MYO3B: variants seen among roughly 807,000 people sequenced by gnomAD.
MYO3B encodes the protein myosin IIIB, also known as myosin-IIIb.
In MYO3B, 156 loss-of-function variants were observed where a neutral mutation model predicts 174.6. That is an observed-to-expected ratio of 0.89 (90% CI 0.78 to 1.02). MYO3B has a LOEUF of 1.02. MYO3B is among the 50% of genes least tolerant of loss of function. MYO3B has a pLI of 0.00. For synonymous variants in MYO3B, 563 were observed against 569.1 expected, an observed-to-expected ratio of 0.99 and a Z score of 0.15; for missense variants, 1,632 against 1,639.4, an observed-to-expected ratio of 1.00 and a Z score of 0.08.
intron 7 of MYO3B, among the ~76,000 whole-genome samples, chr2:170,331,297 G>C (rs983145403): frequency 6.6e-6 from 1 of 152,122 alleles, no homozygotes; most frequent in African/African-American, 2.4e-5. Context: ...GAATTTTGAG[G>C]AAGAAAACCA....
At chr2:170,334,702 C>A in intron 7 of MYO3B, 1 of 152,172 alleles carries the variant, frequency 6.6e-6, no homozygotes. Context: ...CCCATCCCCA[C>A]CCCTCTTTTT....
At chr2:170,303,815 A>G (rs1035280553) in intron 7 of MYO3B, among the ~76,000 whole-genome samples, 1 of 152,082 alleles carries the variant, frequency 6.6e-6, no homozygotes, top group Non-Finnish European at 1.5e-5. Context: ...ACATGTACTA[A>G]TATATATTAA....
At chr2:170,476,251 A>T (rs993479682) in intron 25 of MYO3B, among the ~76,000 whole-genome samples, 1 of 152,212 alleles carries the variant, frequency 6.6e-6, no homozygotes, top group Non-Finnish European at 1.5e-5. Context: ...TGCAACTCCC[A>T]AAGCCCAAGT....
chr2:170,274,108 G>T (rs1361083059), intron 7 of MYO3B, among the ~76,000 whole-genome samples: 1 of 151,536 alleles, frequency 6.6e-6, no homozygotes, highest in Admixed American at 6.6e-5. Context: ...GAGAGAGAGA[G>T]ATCAAGACTG....
intron 7 of MYO3B, among the ~76,000 whole-genome samples, chr2:170,262,988 T>C (rs2093356444): frequency 1.3e-5 from 2 of 152,176 alleles, no homozygotes; most frequent in African/African-American, 4.8e-5. Flanking sequence ...CATTTGATCA[T>C]TGCATCATTA....
At chr2:170,268,453 A>G (rs2093400652) in intron 7 of MYO3B, among the ~76,000 whole-genome samples, 1 of 152,196 alleles carries the variant, frequency 6.6e-6, no homozygotes, top group Non-Finnish European at 1.5e-5. Context: ...AAGAAAGAAT[A>G]CTAGTGAAAA....
At chr2:170,460,293 G>A (rs1396862566) in intron 23 of MYO3B, among the ~76,000 whole-genome samples, 1 of 151,992 alleles carries the variant, frequency 6.6e-6, no homozygotes, top group African/African-American at 2.4e-5. Context: ...TTCAAGACCA[G>A]CCTGACCAAC....
At chr2:170,180,457 G>A (rs148910400) in intron 1 of MYO3B, among the ~76,000 whole-genome samples, 364 of 152,218 alleles carry the variant, frequency 2.4e-3, no homozygotes, top group African/African-American at 8.4e-3. Flanking sequence ...GGTCCTTTCA[G>A]TTTCTTATTT....
chr2:170,625,766 T>C (rs530458909), intron 32 of MYO3B, among the ~76,000 whole-genome samples: 1 of 152,342 alleles, frequency 6.6e-6, no homozygotes, highest in African/African-American at 2.4e-5. Flanking sequence ...TTTGTTCTCA[T>C]TGGTTTCAAA....
At chr2:170,333,805 C>T (rs1454171145) in intron 7 of MYO3B, 1 of 152,154 alleles carries the variant, frequency 6.6e-6, no homozygotes, top group African/African-American at 2.4e-5. Context: ...AATTATTCTA[C>T]CCACATATGG....
At chr2:170,578,097 C>A (rs1282045479) in intron 32 of MYO3B, among the ~76,000 whole-genome samples, 1 of 152,154 alleles carries the variant, frequency 6.6e-6, no homozygotes, top group Non-Finnish European at 1.5e-5. Context: ...AACATACCTG[C>A]TTATGTTTGG....
chr2:170,384,066 A>G, intron 12 of MYO3B: 1 of 402,168 alleles, frequency 2.5e-6, no homozygotes, highest in East Asian at 4.1e-5. Context: ...GATAAGATAT[A>G]ATAAAAATGT....
chr2:170,499,737 G>C lies in MYO3B; in HGVS notation c.3218G>C (p.Gly1073Ala), dbSNP rs1415415246. 9.9e-6 allele frequency: 16 copies of C among 1,613,970 alleles called. 1 individual carries two copies. Among genetic ancestry groups the C allele is most frequent in the Middle Eastern group, 1.6e-4 (1 of 6,084 alleles). ...RVVVLQAYTK[G>A]WLGARRYKRV... ...GTTGTGCTGCAGGCATATACCAAGGGGTGGCTTGGAGCCAGGAGATACAAA... is the reference window on the plus strand; with the variant it reads ...GTTGTGCTGCAGGCATATACCAAGGCGTGGCTTGGAGCCAGGAGATACAAA... The change falls in exon 27 of 35, where the codon GGG (glycine) becomes GCG (alanine). Residue 1073 changes from glycine (G) to alanine (A), a missense_variant. Physicochemically the swap from Gly to Ala is moderately conservative, Grantham distance 60. Transcript: ENST00000408978.
At position 170,386,159 on chromosome 2, in the gene MYO3B, C is replaced by T. The variant is rs201089975; in HGVS notation, c.1291-30C>T. Reference sequence around the variant, plus strand: ...GCAAGTTGCTTCTGTGCTATAAATTCTTCACTTGACGCTCCATTTTCTGTG... The same window carrying T: ...GCAAGTTGCTTCTGTGCTATAAATTTTTCACTTGACGCTCCATTTTCTGTG... On this transcript the variant is annotated intron_variant, in intron 12 of 34. Coordinates refer to ENST00000408978, the MANE Select transcript of MYO3B (RefSeq NM_138995.5). 60 of 1,602,308 alleles carry T rather than the reference C, an allele frequency of 3.7e-5. No homozygotes were observed. The African/African-American group carries it at 7.5e-4, about 20-fold the overall frequency.
In MYO3B at chr2:170,489,304, G is replaced by T. The variant is rs16858492; in HGVS notation, c.3015-9288G>T. Among the ~76,000 whole-genome samples, 4 of 152,066 alleles carry T rather than the reference G, an allele frequency of 2.6e-5. No homozygotes were observed. In the East Asian group the frequency reaches 7.7e-4, roughly 29 times the overall value. ...CAGTCCCTTGCAGAGACAGCCCTGT[G>T]GGAATGCCCAGGCATAGAGTTTTGA... On this transcript the variant is annotated intron_variant, in intron 25 of 34. Coordinates refer to ENST00000408978, the MANE Select transcript of MYO3B (RefSeq NM_138995.5).
intron 22 of MYO3B, among the ~76,000 whole-genome samples, chr2:170,424,565 C>T (rs1007468674): frequency 2.0e-5 from 3 of 151,698 alleles, no homozygotes; most frequent in African/African-American, 7.3e-5. Context: ...TGCAGTGAAC[C>T]AAGATTGCAC....
At chr2:170,387,014 T>G in intron 13 of MYO3B, 92 bp from the exon 14 acceptor site, 5 of 1,237,800 alleles carry the variant, frequency 4.0e-6, no homozygotes, top group East Asian at 2.4e-5. Context: ...AAAAAGACCA[T>G]GTGGATTTTG....
intron 25 of MYO3B, among the ~76,000 whole-genome samples, chr2:170,481,171 TC>T (rs1685664691): frequency 6.6e-6 from 1 of 152,176 alleles, no homozygotes; most frequent in African/African-American, 2.4e-5. Context: ...ACACAAATCC[TC>T]CAGGACATCA....
chr2:170,226,691 C>T (rs1260046639), intron 6 of MYO3B, among the ~76,000 whole-genome samples: 2 of 152,172 alleles, frequency 1.3e-5, no homozygotes, highest in Non-Finnish European at 2.9e-5. Context: ...ATATAAGACC[C>T]TATCTGAGGG....
Sources: gnomAD v4.1 joint callset for allele counts (sites outside exome capture counted in the v4.1 genomes callset) on GRCh38, gnomAD v4.1.1 for gene constraint, MANE v1.5 for transcripts, NCBI Gene and HGNC (gene_info 2026-07-23, HGNC 2026-07-21) for gene names.